Variants in TNS3 observed in about 807,000 individuals in gnomAD.
TNS3 encodes the protein tensin-3.
TNS3 carries 45 observed loss-of-function variants against 140.9 expected under a neutral mutation model. That is an observed-to-expected ratio of 0.32 (90% CI 0.25 to 0.41). TNS3 has a LOEUF of 0.41. Ranked by LOEUF, TNS3 falls within the 10% of genes least tolerant of loss-of-function variation. TNS3 has a pLI of 1.00. For synonymous variants in TNS3, 815 were observed against 788.4 expected (o/e 1.03, Z -0.56); for missense variants, 1,716 against 1,906.7 (o/e 0.90, Z 1.86).
chr7:47,574,415 C>A (rs924382634), intron 1 of TNS3, among the ~76,000 whole-genome samples: 1 of 151,844 alleles, frequency 6.6e-6, no homozygotes, highest in African/African-American at 2.4e-5. Flanking sequence ...GGGTGGACAC[C>A]GTGAGAATCC....
chr7:47,421,530 C>T (rs1409798795), intron 10 of TNS3, among the ~76,000 whole-genome samples: 1 of 151,950 alleles, frequency 6.6e-6, no homozygotes, highest in Non-Finnish European at 1.5e-5. Flanking sequence ...GCCTCAGCCT[C>T]CCAAAGAATC....
Position 47,396,879 on chromosome 7 carries a change from G to A in TNS3, c.945C>T (p.His315=), listed in dbSNP as rs372377853. The A allele has an allele frequency of 2.4e-5, 38 of 1,614,074 alleles. No individual in the cohort carries two copies. Among genetic ancestry groups the A allele is most frequent in the Admixed American group, 1.2e-4 (7 of 60,012 alleles). ...IQGSEHLYND[H]GVIVDYNTTD... is the part of the protein sequence containing the mutation. ...TTGTGTTGTAGTCCACAATCACACC[G>A]TGGTCGTTGTACAAGTGTTCGGACC... is the stretch of plus-strand genomic sequence containing the variant. Residue 315 remains histidine, a synonymous_variant, in exon 16 of 31, where the codon CAC becomes CAT. Transcript: ENST00000311160.
At chr7:47,409,719 G>A (rs1313995939) in intron 13 of TNS3, among the ~76,000 whole-genome samples, 1 of 152,030 alleles carries the variant, frequency 6.6e-6, no homozygotes, top group African/African-American at 2.4e-5. Flanking sequence ...GTGCAGTAGC[G>A]CAATTTTGGC....
At chr7:47,432,737 G>A (rs1794984464) in intron 8 of TNS3, among the ~76,000 whole-genome samples, 1 of 152,198 alleles carries the variant, frequency 6.6e-6, no homozygotes, top group Admixed American at 6.5e-5. Flanking sequence ...ACAGATGGAG[G>A]TGGCCATGTT....
intron 20 of TNS3, among the ~76,000 whole-genome samples, chr7:47,324,975 G>A (rs187754604): frequency 3.9e-5 from 6 of 152,074 alleles, no homozygotes; most frequent in South Asian, 4.2e-4. Flanking sequence ...GACTTTTCTC[G>A]TGATGATAAA....
chr7:47,300,967 A>G (rs559071581), intron 23 of TNS3, among the ~76,000 whole-genome samples: 2 of 152,320 alleles, frequency 1.3e-5, no homozygotes, highest in East Asian at 3.9e-4. Context: ...CTTTGAGATC[A>G]TAAGAGATGC....
At chr7:47,524,158 C>T (rs1182822304) in intron 2 of TNS3, among the ~76,000 whole-genome samples, 1 of 152,202 alleles carries the variant, frequency 6.6e-6, no homozygotes, top group African/African-American at 2.4e-5. Flanking sequence ...AAGCAGCCGT[C>T]CCCTGGGGAG....
At chr7:47,366,225 A>T (rs111517509) in intron 17 of TNS3, among the ~76,000 whole-genome samples, 5,151 of 152,200 alleles carry the variant, frequency 0.034, 285 homozygotes, top group African/African-American at 0.11. Context: ...ATCGACCTGG[A>T]CCTATTGTTC....
At chr7:47,510,845 G>C (rs1237166247) in intron 2 of TNS3, among the ~76,000 whole-genome samples, 10 of 135,210 alleles carry the variant, frequency 7.4e-5, no homozygotes, top group African/African-American at 2.8e-4. Flanking sequence ...CTGGGTGACA[G>C]AGTAAGACTG....
At chr7:47,361,856 G>A (rs1790355971) in intron 17 of TNS3, among the ~76,000 whole-genome samples, 1 of 152,052 alleles carries the variant, frequency 6.6e-6, no homozygotes, top group South Asian at 2.1e-4. Context: ...TCACAGGGTG[G>A]AGGTTGATGT....
rs139908220 is a variant in TNS3, at chr7:47,324,158, T to C, written c.2651-19155A>G. On this transcript the variant is annotated intron_variant, in intron 20 of 30. Coordinates refer to ENST00000311160, the MANE Select transcript of TNS3 (RefSeq NM_022748.12). ...AGTTCCAAGCATGTGCTGGTCTGTT[T>C]TGCACTTTCATCTGTTTGTTGGTCA... Among the ~76,000 whole-genome samples, 56 of 152,364 alleles carry C rather than the reference T, an allele frequency of 3.7e-4. 1 individual carries two copies. Among genetic ancestry groups the C allele is most frequent in the African/African-American group, 1.3e-3 (53 of 41,596 alleles).
chr7:47,475,981 C>T (rs375118366), intron 4 of TNS3, among the ~76,000 whole-genome samples: 17 of 152,322 alleles, frequency 1.1e-4, no homozygotes, highest in African/African-American at 3.8e-4. Context: ...GACTGGTTCT[C>T]TCCATCAGGA....
intron 2 of TNS3, among the ~76,000 whole-genome samples, chr7:47,516,940 G>A (rs1460962438): frequency 6.6e-6 from 1 of 152,118 alleles, no homozygotes; most frequent in Non-Finnish European, 1.5e-5. Flanking sequence ...GTGGGCGCCT[G>A]TAATCCCAGC....
intron 16 of TNS3, among the ~76,000 whole-genome samples, chr7:47,389,012 G>GA (rs1166100320): frequency 0.14 from 286 of 1,986 alleles, 100 homozygotes; most frequent in Non-Finnish European, 0.38. Flanking sequence ...GGAAGAAGAA[G>GA]AAGAAGAAGA....
chr7:47,375,049 T>C (rs1230682289), intron 16 of TNS3, among the ~76,000 whole-genome samples: 2 of 152,266 alleles, frequency 1.3e-5, no homozygotes, highest in Non-Finnish European at 2.9e-5. Flanking sequence ...TCCTTCCATC[T>C]TTTTATATCA....
chr7:47,420,130 G>C (rs1301012209), intron 10 of TNS3, among the ~76,000 whole-genome samples: 1 of 152,170 alleles, frequency 6.6e-6, no homozygotes, highest in South Asian at 2.1e-4. Flanking sequence ...TACTCTCCTT[G>C]TATCTTTAAA....
rs750790196 is a variant in TNS3 at position 47,439,538 on chromosome 7, G to A, written c.99C>T (p.Asn33=). 1.9e-5 allele frequency: 30 copies of A among 1,613,974 alleles called. No homozygotes were observed. Among genetic ancestry groups the A allele is most frequent in the African/African-American group, 1.1e-4 (8 of 74,934 alleles). The change falls in exon 6 of 31, where the codon AAC becomes AAT. Residue 33 remains asparagine (N), a synonymous_variant. Coordinates refer to ENST00000311160, the MANE Select transcript of TNS3 (RefSeq NM_022748.12). ...TGAGCATGCGCGTGACCTCCTGTAG[G>A]TTGTGCAGGTAGGACTCCTCAGAGC... ...AGCSEESYLH[N]LQEVTRMLKS...
chr7:47,308,082 A>G (rs1005840401), intron 20 of TNS3, among the ~76,000 whole-genome samples: 7 of 152,270 alleles, frequency 4.6e-5, no homozygotes, highest in Admixed American at 2.0e-4. Flanking sequence ...GGAAGAAACT[A>G]TAAACATAAG....
intron 3 of TNS3, among the ~76,000 whole-genome samples, chr7:47,500,087 ACACACACACG>A (rs1177724812): frequency 6.6e-6 from 1 of 152,052 alleles, no homozygotes; most frequent in Non-Finnish European, 1.5e-5. Flanking sequence ...ATTAAAACAC[ACACACACACG>A]CACACACACA....
Sources: gnomAD v4.1 joint callset for allele counts (sites outside exome capture counted in the v4.1 genomes callset) on GRCh38, gnomAD v4.1.1 for gene constraint, MANE v1.5 for transcripts, NCBI Gene and HGNC (gene_info 2026-07-23, HGNC 2026-07-21) for gene names.